TASOR2: variants seen among roughly 807,000 people sequenced by gnomAD.
The protein encoded by TASOR2 is protein TASOR 2.
In TASOR2, 84 loss-of-function variants were observed where a neutral mutation model predicts 199.5. The observed-to-expected ratio is 0.42, with a 90% CI of 0.35 to 0.50. TASOR2 has a LOEUF of 0.50. Among genes scored for constraint, TASOR2 ranks in the 20% least tolerant of loss-of-function variants. TASOR2 has a pLI of 0.02. For missense variants in TASOR2, 2,796 were observed against 2,835.9 expected, an observed-to-expected ratio of 0.99 and a Z score of 0.32; for synonymous variants, 1,103 against 1,046.6, an observed-to-expected ratio of 1.05 and a Z score of -1.04.
intron 6 of TASOR2, among the ~76,000 whole-genome samples, 192 bp from the exon 8 acceptor site, chr10:5,723,485 A>G (rs1248256745): frequency 6.6e-6 from 1 of 152,186 alleles, no homozygotes; most frequent in African/African-American, 2.4e-5. Flanking sequence ...TTTGCAGACC[A>G]TGGTTTATGG....
At position 5,730,850 on chromosome 10, in the gene TASOR2, A is replaced by C; in HGVS notation, c.851A>C (p.His284Pro). 4.3e-6 allele frequency: 7 copies of C among 1,614,226 alleles called. No homozygotes were observed. Among genetic ancestry groups the C allele is most frequent in the Non-Finnish European group, 5.9e-6 (7 of 1,180,044 alleles). Reference sequence around the variant, plus strand: ...ACTGCTTTGGACTTGCTAGCAGAGCATCCTCAGTCTCCTTGTGTTTCAGAC... The same window carrying C: ...ACTGCTTTGGACTTGCTAGCAGAGCCTCCTCAGTCTCCTTGTGTTTCAGAC... The change falls in exon 11 of 21, where the codon CAT becomes CCT. Residue 284 changes from histidine to proline, a missense_variant. His to Pro is a moderately conservative substitution (Grantham distance 77). Around this residue, in one of 3 missense-constraint regions of TASOR2, gnomAD observed 847 missense variants for 887.4 expected, o/e 0.95. Coordinates refer to ENST00000328090, the Ensembl canonical transcript of TASOR2. The surrounding 1 kb of genome is among the most constrained non-coding windows in gnomAD (Gnocchi z 4.1).
chr10:5,716,998 A>G (rs987471236), intron 2 of TASOR2, among the ~76,000 whole-genome samples: 3 of 147,876 alleles, frequency 2.0e-5, no homozygotes, highest in Non-Finnish European at 3.0e-5. Context: ...CTGAAAGTAA[A>G]TTACAAATAA....
At chr10:5,732,133 C>T (rs1003311393) in intron 11 of TASOR2, among the ~76,000 whole-genome samples, 1 of 152,228 alleles carries the variant, frequency 6.6e-6, no homozygotes, top group African/African-American at 2.4e-5. Flanking sequence ...TGACTTTGGC[C>T]TAGCCACTTA....
At chr10:5,760,815 C>T (rs1839701530) in intron 18 of TASOR2, 1 of 152,574 alleles carries the variant, frequency 6.6e-6, no homozygotes, top group Middle Eastern at 3.4e-3. Context: ...GGGAGTCGAG[C>T]AGAGACAGAA....
chr10:5,732,402 T>G (rs1834945870), intron 11 of TASOR2, among the ~76,000 whole-genome samples: 1 of 152,218 alleles, frequency 6.6e-6, no homozygotes, highest in South Asian at 2.1e-4. Context: ...AAGCTGAAAG[T>G]ATGTACTCTA....
chr10:5,709,355 T>G (rs1035160884), intron 1 of TASOR2, among the ~76,000 whole-genome samples: 1 of 152,216 alleles, frequency 6.6e-6, no homozygotes, highest in Non-Finnish European at 1.5e-5. Context: ...TCAGATTATG[T>G]GTTATAGCTT....
chr10:5,758,698 G>A (rs1303122282), intron 17 of TASOR2, among the ~76,000 whole-genome samples, 189 bp from the exon 19 acceptor site: 4 of 152,248 alleles, frequency 2.6e-5, no homozygotes, highest in Admixed American at 1.3e-4. Context: ...GTGAGCAGGT[G>A]GGACCAGGCT....
At position 5,685,019 on chromosome 10, in the gene TASOR2, G is replaced by T. The variant is rs1362813868; in HGVS notation, c.-444G>T. 7.5e-6 allele frequency: 3 copies of T among 397,648 alleles called. No individual in the cohort carries two copies. 24.6% of individuals were successfully genotyped at this position (397,648 alleles called of 1,614,324 possible). A position where few individuals can be genotyped will look rare whatever the true frequency, so the allele number is the denominator to read the frequency against. On this transcript the variant is annotated 5_prime_UTR_variant, in exon 1 of 21. Transcript: ENST00000328090. The surrounding 1 kb of genome is among the most constrained non-coding windows in gnomAD (Gnocchi z 5.4). Reference sequence around the variant, plus strand: ...GGGGCGGACGGCGTGCCCCTGAGGGGGGTCCCCGCGGGAGCGCGGAGCCGG... The same window carrying T: ...GGGGCGGACGGCGTGCCCCTGAGGGTGGTCCCCGCGGGAGCGCGGAGCCGG...
In TASOR2 at chr10:5,720,676, A is replaced by G; in HGVS notation, c.26+8A>G. ...ACCAGCTCATAAAAGCATGTAAGTA[A>G]TTATGTGCATGCTTTGTTTTACTGA... On this transcript the variant is annotated splice_region_variant and intron_variant, in intron 4 of 20. Transcript: ENST00000328090. The surrounding 1 kb of genome is among the most constrained non-coding windows in gnomAD (Gnocchi z 5.3). The G allele has an allele frequency of 1.9e-6, 3 of 1,614,042 alleles. No homozygotes were observed. Among genetic ancestry groups the G allele is most frequent in the African/African-American group, 1.3e-5 (1 of 75,034 alleles).
At chr10:5,747,238 C>CTAGAGT in exon 15 of TASOR2, 1 of 1,614,106 alleles carries the variant, frequency 6.2e-7, no homozygotes, top group East Asian at 2.2e-5. Flanking sequence ...AGAGGTCAGC[C>CTAGAGT]TAGAGTTATC....
Position 5,720,941 on chromosome 10 carries a change from C to T in TASOR2, c.117C>T (p.Ser39=). The change falls in exon 6 of 21, where the codon TCC becomes TCT. Residue 39 remains serine, a synonymous_variant. Coordinates refer to ENST00000328090, the Ensembl canonical transcript of TASOR2. This position sits in a 1 kb window ranked among gnomAD's most constrained non-coding sequence, Gnocchi z 5.3. ...TGCTATGTGATATAGCTCTTTGGTC[C>T]ACTTACGGTGCAATGATTCCAACAC... The T allele has an allele frequency of 6.2e-7, 1 of 1,613,002 alleles. No individual in the cohort carries two copies. Among genetic ancestry groups the T allele is most frequent in the African/African-American group, 1.3e-5 (1 of 74,940 alleles).
Position 5,742,221 on chromosome 10 carries a change from A to G in TASOR2, c.2452A>G (p.Ser818Gly). The change falls in exon 14 of 21, where the codon AGC (serine) becomes GGC (glycine). Residue 818 changes from serine (S) to glycine (G), a missense_variant. Ser to Gly is a moderately conservative substitution (Grantham distance 56, BLOSUM62 0). Around this residue, in one of 3 missense-constraint regions of TASOR2, gnomAD observed 1,941 missense variants for 1,924.9 expected, o/e 1.01. Transcript: ENST00000328090. The surrounding 1 kb of genome is among the most constrained non-coding windows in gnomAD (Gnocchi z 4.2). ...ATCTTCCCGAAAGGTTGTAGAACAC[A>G]GCAACCCAGCAAAATATGTGTCTAT... 1.9e-6 allele frequency: 3 copies of G among 1,614,200 alleles called. No homozygotes were observed. Among genetic ancestry groups the G allele is most frequent in the Non-Finnish European group, 2.5e-6 (3 of 1,180,022 alleles).
At chr10:5,735,255 A>G (rs1222617024) in intron 11 of TASOR2, 49 bp from the exon 13 acceptor site, 7 of 1,563,902 alleles carry the variant, frequency 4.5e-6, no homozygotes, top group African/African-American at 4.2e-5. Flanking sequence ...AGCTATGCTA[A>G]GTATCTGGGC....
In TASOR2 at chr10:5,762,516, T is replaced by TTC; in HGVS notation, c.7175-15_7175-14insCT. 5.0e-6 allele frequency: 3 copies of TTC among 603,326 alleles called. 1 individual carries two copies. The highest frequency in any genetic ancestry group is 2.6e-6 in the Non-Finnish European group (1 of 388,712). 37.4% of individuals were successfully genotyped at this position (603,326 alleles called of 1,614,324 possible). A position where few individuals can be genotyped will look rare whatever the true frequency, so the allele number is the denominator to read the frequency against. On this transcript the variant is annotated splice_polypyrimidine_tract_variant and intron_variant, in intron 19 of 20. Transcript: ENST00000328090. ...AATTATATTAACCAAAAGTTGTTTT[T>TTC]TTTTTTTTTTAACAGACAAGCCTAC...
At chr10:5,756,950 G>C (rs1325948456) in intron 16 of TASOR2, among the ~76,000 whole-genome samples, 1 of 152,172 alleles carries the variant, frequency 6.6e-6, no homozygotes, top group Non-Finnish European at 1.5e-5. Context: ...AACTAAGGGA[G>C]ACTTAGGTGA....
At chr10:5,756,398 CTTTA>C (rs942663260) in intron 15 of TASOR2, among the ~76,000 whole-genome samples, 8 of 152,078 alleles carry the variant, frequency 5.3e-5, no homozygotes, top group South Asian at 2.1e-4. Context: ...GCCTTTGATA[CTTTA>C]TTTACCTTTG....
At chr10:5,724,666 TATATAG>T (rs1833821463) in intron 8 of TASOR2, 133 bp downstream of exon 9, 2 of 183,544 alleles carry the variant, frequency 1.1e-5, no homozygotes, top group Admixed American at 1.3e-4. Flanking sequence ...TAGATATAGA[TATATAG>T]ATATAGATCG....
intron 1 of TASOR2, among the ~76,000 whole-genome samples, chr10:5,693,985 T>TTTA (rs1385556980): frequency 2.6e-5 from 4 of 152,112 alleles, no homozygotes; most frequent in Admixed American, 2.0e-4. Flanking sequence ...GTTCTAATGC[T>TTTA]TTAAAGAAAA....
In TASOR2 at chr10:5,748,161, TG is replaced by T; in HGVS notation, c.4741del (p.Val1581LeufsTer20). On this transcript the variant is annotated frameshift_variant, in exon 15 of 21. Coordinates refer to ENST00000328090, the Ensembl canonical transcript of TASOR2. LOFTEE classifies it high-confidence loss of function. The surrounding 1 kb of genome is among the most constrained non-coding windows in gnomAD (Gnocchi z 5.1). ...GTGAACCTCCATTTGGTCCTAGAAA[TG>T]TTATTGAAAATAAGTCTTTGTCTGA... 1 of 1,614,236 alleles carries T rather than the reference TG, an allele frequency of 6.2e-7. No homozygotes were observed. Among genetic ancestry groups the T allele is most frequent in the Non-Finnish European group, 8.5e-7 (1 of 1,180,040 alleles).
Sources: allele counts gnomAD v4.1 joint callset (sites outside exome capture counted in the v4.1 genomes callset), GRCh38; gene constraint gnomAD v4.1.1; regional missense constraint gnomAD v4.1.1; non-coding constraint Gnocchi (gnomAD v3.1); transcripts MANE v1.5; gene names NCBI Gene and HGNC (gene_info 2026-07-23, HGNC 2026-07-21).